The following TRPC5 variants were observed in gnomAD, a reference collection of about 807,000 sequenced individuals.
The protein encoded by TRPC5 is short transient receptor potential channel 5.
In TRPC5, 9 loss-of-function variants were observed where a neutral mutation model predicts 56.5. The ratio of observed to expected loss-of-function variants is 0.16; its 90% CI spans 0.10 to 0.28. TRPC5 has a LOEUF of 0.28. Among genes scored for constraint, TRPC5 ranks in the 10% least tolerant of loss-of-function variants. The pLI is 1.00. For missense variants in TRPC5, 469 were observed against 748.9 expected, an observed-to-expected ratio of 0.63 and a Z score of 4.36; for synonymous variants, 282 against 278.5, an observed-to-expected ratio of 1.01 and a Z score of -0.13.
At chrX:111,824,085 G>T (rs1922113846) in intron 7 of TRPC5, among the ~76,000 whole-genome samples, 1 of 110,019 alleles carries the variant, frequency 9.1e-6, no homozygotes, top group South Asian at 4.1e-4. Context: ...ACAAAAATGA[G>T]CTGGGCATGG....
At chrX:111,799,806 T>C (rs1482768359) in intron 7 of TRPC5, among the ~76,000 whole-genome samples, 1 of 110,687 alleles carries the variant, frequency 9.0e-6, no homozygotes, top group African/African-American at 3.3e-5. Flanking sequence ...TTTCAAGATA[T>C]GGGTCTTGGA....
intron 1 of TRPC5, among the ~76,000 whole-genome samples, chrX:112,076,475 G>A (rs770378595): frequency 5.4e-5 from 6 of 111,368 alleles, no homozygotes; most frequent in South Asian, 7.7e-4. Flanking sequence ...AATAGCTATA[G>A]TATATACCTA....
At chrX:112,032,514 C>T (rs1323970750) in intron 1 of TRPC5, among the ~76,000 whole-genome samples, 4 of 112,313 alleles carry the variant, frequency 3.6e-5, no homozygotes, top group Non-Finnish European at 7.5e-5. Flanking sequence ...TTTATCCATA[C>T]ATAAATCCAT....
At chrX:111,818,960 C>G in intron 7 of TRPC5, among the ~76,000 whole-genome samples, 1 of 111,830 alleles carries the variant, frequency 8.9e-6, no homozygotes, top group East Asian at 2.8e-4. Context: ...GGTTCCATTA[C>G]TGTTTCCATT....
At chrX:111,860,109 C>T (rs1184003782) in intron 3 of TRPC5, among the ~76,000 whole-genome samples, 43 of 112,250 alleles carry the variant, frequency 3.8e-4, no homozygotes, top group Non-Finnish European at 6.0e-4. Flanking sequence ...GGGGTTTCAC[C>T]GTGTTAGCCA....
intron 7 of TRPC5, among the ~76,000 whole-genome samples, chrX:111,784,178 T>A (rs776260133): frequency 2.7e-5 from 3 of 111,598 alleles, no homozygotes; most frequent in Non-Finnish European, 5.6e-5. Flanking sequence ...ACTTAACAGA[T>A]AAAAACTATA....
intron 7 of TRPC5, among the ~76,000 whole-genome samples, chrX:111,816,525 A>T (rs3027747): frequency 0.014 from 1,621 of 112,118 alleles, 29 homozygotes; most frequent in African/African-American, 0.051. Context: ...AAAGTCATTT[A>T]CTTTCTGAGA....
rs1945847753 is a variant in TRPC5, at chrX:111,772,319, T to G, written c.*3994A>C. ...TGAAGGTAGGGCTGTGAAGTAGGTA[T>G]GAAGAGGTTATTTAAATGATCTGAA... On this transcript the variant is annotated 3_prime_UTR_variant, in exon 11 of 11. Transcript: ENST00000262839. Among the ~76,000 whole-genome samples, 1 of 112,385 alleles carries G rather than the reference T, an allele frequency of 8.9e-6. No homozygotes were observed. The highest frequency in any genetic ancestry group is 1.9e-5 in the Non-Finnish European group (1 of 53,315).
At chrX:111,988,536 G>A (rs12558824) in intron 1 of TRPC5, among the ~76,000 whole-genome samples, 4 of 110,584 alleles carry the variant, frequency 3.6e-5, no homozygotes, top group Admixed American at 1.9e-4. Context: ...GAACTTGAAC[G>A]TAAAGATTTT....
chrX:111,816,159 A>G (rs1354767024), intron 7 of TRPC5, among the ~76,000 whole-genome samples: 1 of 111,877 alleles, frequency 8.9e-6, no homozygotes, highest in Non-Finnish European at 1.9e-5. Context: ...GCTGCCTTGC[A>G]TGGGTAACAA....
chrX:111,853,975 C>A lies in TRPC5; in HGVS notation c.1032G>T (p.Leu344=). The change falls in exon 4 of 11, where the codon CTG becomes CTT. Residue 344 remains leucine, a synonymous_variant. Transcript: ENST00000262839. ...TGGGTGAGATCAGGTAGGCTATAGACAGCATGGGAAACAGGAACCCAATGG... is the reference window on the plus strand; with the variant it reads ...TGGGTGAGATCAGGTAGGCTATAGAAAGCATGGGAAACAGGAACCCAATGG... The part of the protein sequence containing the change: ...CMTIGFLFPM[L]SIAYLISPRS... The A allele has an allele frequency of 8.3e-7, 1 of 1,211,820 alleles. No homozygotes were observed. The highest frequency in any genetic ancestry group is 1.1e-6 in the Non-Finnish European group (1 of 895,532).
At chrX:111,993,060 C>A (rs900924506) in intron 1 of TRPC5, among the ~76,000 whole-genome samples, 4 of 105,074 alleles carry the variant, frequency 3.8e-5, no homozygotes, top group Middle Eastern at 4.7e-3. Flanking sequence ...CAGCCCCCCA[C>A]CCCCTGACAG....
At chrX:111,846,653 A>G (rs1922936463) in intron 6 of TRPC5, among the ~76,000 whole-genome samples, 1 of 111,597 alleles carries the variant, frequency 9.0e-6, no homozygotes, top group Non-Finnish European at 1.9e-5. Context: ...GATTACACCT[A>G]TGAATGGGGG....
rs1391513364 is a variant in TRPC5, at chrX:111,773,667, T to C, written c.*2646A>G. ...AGTTTATTGACCAGCTCTGTGACCT[T>C]GAGCAAGTCATTGTCCTTCTCTGGG... is the stretch of plus-strand genomic sequence containing the variant. On this transcript the variant is annotated 3_prime_UTR_variant, in exon 11 of 11. Coordinates refer to ENST00000262839, the MANE Select transcript of TRPC5 (RefSeq NM_012471.3). Among the ~76,000 whole-genome samples, 1 of 111,427 alleles carries C rather than the reference T, an allele frequency of 9.0e-6. No individual in the cohort carries two copies.
chrX:111,811,718 G>C (rs1329275161), intron 7 of TRPC5, among the ~76,000 whole-genome samples: 1 of 110,918 alleles, frequency 9.0e-6, no homozygotes, highest in Non-Finnish European at 1.9e-5. Context: ...AAAATGGGGG[G>C]AAATACCTAC....
At chrX:111,800,225 A>C (rs1921259669) in intron 7 of TRPC5, among the ~76,000 whole-genome samples, 1 of 111,592 alleles carries the variant, frequency 9.0e-6, no homozygotes, top group South Asian at 3.8e-4. Flanking sequence ...CAGCCTACTC[A>C]ACGTGAAGAT....
intron 3 of TRPC5, among the ~76,000 whole-genome samples, chrX:111,854,438 A>T (rs1923167762): frequency 1.8e-5 from 2 of 111,807 alleles, no homozygotes; most frequent in South Asian, 3.8e-4. Flanking sequence ...CATCAGAATC[A>T]TCCAGGGAAC....
Position 111,835,008 on chromosome X carries a change from G to C in TRPC5, c.1809C>G (p.Thr603=), listed in dbSNP as rs61729630. 17,472 of 1,209,331 alleles carry C rather than the reference G, an allele frequency of 0.014. 101 individuals are homozygous for C. The highest frequency in any genetic ancestry group is 0.017 in the Non-Finnish European group (15,632 of 894,473). The change falls in exon 7 of 11, where the codon ACC becomes ACG. Residue 603 remains threonine (T), a synonymous_variant. Coordinates refer to ENST00000262839, the MANE Select transcript of TRPC5 (RefSeq NM_012471.3). ...AGATGACATTGTATGTTCCAAACAT[G>C]GTAGCTCCTACAAACTCGGTGAATT... ...RHEFTEFVGA[T]MFGTYNVISL...
chrX:112,068,040 A>G (rs954411452), intron 1 of TRPC5, among the ~76,000 whole-genome samples: 2 of 112,352 alleles, frequency 1.8e-5, no homozygotes, highest in African/African-American at 6.5e-5. Flanking sequence ...AGGTTAGGAA[A>G]TTTGCCATAA....
Sources: allele counts gnomAD v4.1 joint callset (sites outside exome capture counted in the v4.1 genomes callset), GRCh38; gene constraint gnomAD v4.1.1; transcripts MANE v1.5; gene names NCBI Gene and HGNC (gene_info 2026-07-23, HGNC 2026-07-21).